SYNPR: variants seen among roughly 807,000 people sequenced by gnomAD.
The protein encoded by SYNPR is synaptoporin.
SYNPR carries 23 observed loss-of-function variants against 32.9 expected under a neutral mutation model. The ratio of observed to expected loss-of-function variants is 0.70; its 90% CI spans 0.50 to 0.99. The LOEUF is 0.99. Among genes scored for constraint, SYNPR ranks in the 50% least tolerant of loss-of-function variants. The pLI is 0.00. For synonymous variants in SYNPR, 146 were observed against 135.9 expected (o/e 1.07, Z -0.52); for missense variants, 318 against 349.3 (o/e 0.91, Z 0.71).
Position 63,259,084 on chromosome 3 carries a change from T to C in SYNPR, n.154+6498T>C, listed in dbSNP as rs146176248. On this transcript the variant is annotated intron_variant and non_coding_transcript_variant, in intron 2 of 4. Coordinates refer to the SYNPR transcript ENST00000478456. Reference sequence around the variant, plus strand: ...TCTGACATTGAGGCAATAATTAATATCTTACCAACAAAAAAAATCCAGGAC... The same window carrying C: ...TCTGACATTGAGGCAATAATTAATACCTTACCAACAAAAAAAATCCAGGAC... Among the ~76,000 whole-genome samples the C allele has an allele frequency of 4.1e-4, 62 of 151,944 alleles. No homozygotes were observed. The East Asian group carries it at 0.01, about 25-fold the overall frequency.
At chr3:63,299,335 G>A (rs191651646) in intron 2 of SYNPR, among the ~76,000 whole-genome samples, 96 of 152,110 alleles carry the variant, frequency 6.3e-4, no homozygotes, top group Non-Finnish European at 1.2e-3. Flanking sequence ...TACTCTTTTT[G>A]TCTCTGCCCA....
chr3:63,282,607 C>A (rs2106920053), intron 2 of SYNPR, among the ~76,000 whole-genome samples: 1 of 150,592 alleles, frequency 6.6e-6, no homozygotes, highest in Admixed American at 6.6e-5. Context: ...CGCTTGAGCC[C>A]ACGAGGTCAA....
At chr3:63,436,930 G>T (rs962556197) in intron 2 of SYNPR, among the ~76,000 whole-genome samples, 2 of 152,072 alleles carry the variant, frequency 1.3e-5, no homozygotes, top group Non-Finnish European at 2.9e-5. Flanking sequence ...GGGCTGAAGT[G>T]CAGTGGCACA....
At chr3:63,288,614 C>T (rs9853324) in intron 2 of SYNPR, among the ~76,000 whole-genome samples, 70,577 of 151,986 alleles carry the variant, frequency 0.46, 16,563 homozygotes, top group Middle Eastern at 0.52. Context: ...TAGGTTTTGC[C>T]TAATGATAAG....
At chr3:63,416,462 G>A (rs773855676) in intron 2 of SYNPR, among the ~76,000 whole-genome samples, 20 of 150,476 alleles carry the variant, frequency 1.3e-4, no homozygotes, top group Non-Finnish European at 1.8e-4. Flanking sequence ...AACCCGGGAC[G>A]TGGAGGTTTC....
chr3:63,260,793 A>C (rs1020820861), intron 2 of SYNPR, among the ~76,000 whole-genome samples: 32 of 152,074 alleles, frequency 2.1e-4, no homozygotes, highest in South Asian at 4.2e-4. Context: ...CAACCTACAG[A>C]ATGGGAGAAA....
chr3:63,505,756 G>A (rs1356335526), intron 3 of SYNPR, among the ~76,000 whole-genome samples: 1 of 152,160 alleles, frequency 6.6e-6, no homozygotes, highest in Non-Finnish European at 1.5e-5. Context: ...GTTATCAACA[G>A]CTAACATCTT....
chr3:63,391,529 A>T (rs2088136635), intron 2 of SYNPR, among the ~76,000 whole-genome samples: 2 of 152,166 alleles, frequency 1.3e-5, no homozygotes, highest in African/African-American at 4.8e-5. Flanking sequence ...CATTGCTAAC[A>T]CCTATGAGAA....
At chr3:63,541,509 AG>A (rs1333819581) in intron 3 of SYNPR, among the ~76,000 whole-genome samples, 1 of 152,130 alleles carries the variant, frequency 6.6e-6, no homozygotes, top group Non-Finnish European at 1.5e-5. Context: ...ACTGAATAGT[AG>A]GGGGAGTTCT....
chr3:63,469,452 G>T (rs185935007), intron 2 of SYNPR, among the ~76,000 whole-genome samples: 5 of 152,178 alleles, frequency 3.3e-5, no homozygotes, highest in African/African-American at 9.6e-5. Flanking sequence ...GTTATGGTAG[G>T]TTAGAAACTT....
intron 2 of SYNPR, among the ~76,000 whole-genome samples, chr3:63,467,411 T>G (rs536513114): frequency 1.3e-5 from 2 of 152,350 alleles, no homozygotes; most frequent in Non-Finnish European, 2.9e-5. Flanking sequence ...TTCAATTTTT[T>G]GGGTTACTTG....
At position 63,556,604 on chromosome 3, in the gene SYNPR, T is replaced by C. The variant is rs779094581; in HGVS notation, c.271T>C (p.Leu91=). The change falls in exon 4 of 6, where the codon TTG becomes CTG. Residue 91 remains leucine (L), a synonymous_variant. Transcript: ENST00000478300. ...CEGKERQKLA[L]IGDSSSSAEF... ...GGGAAAGGAACGGCAGAAGCTGGCA[T>C]TGATTGGTGACTCCTCGTCTTCAGC... 10 of 1,613,708 alleles carry C rather than the reference T, an allele frequency of 6.2e-6. No homozygotes were observed. The highest frequency in any genetic ancestry group is 1.3e-5 in the African/African-American group (1 of 74,912).
chr3:63,460,944 A>G (rs1700573244), intron 2 of SYNPR, among the ~76,000 whole-genome samples: 1 of 152,126 alleles, frequency 6.6e-6, no homozygotes, highest in African/African-American at 2.4e-5. Flanking sequence ...ACAGAGATGT[A>G]CACAGATATA....
Position 63,335,766 on chromosome 3 carries a change from C to CTTTTTTTTTTTTT in SYNPR, c.84+57036_84+57048dup, listed in dbSNP as rs3082128. On this transcript the variant is annotated intron_variant, in intron 2 of 5. Transcript: ENST00000478300. ...ACACACTCAAGTCCATATTAGCTTC[C>CTTTTTTTTTTTTT]TTTTTTTTTTTTTTTTTTTTTTTTG... Among the ~76,000 whole-genome samples, 20 of 91,462 alleles carry CTTTTTTTTTTTTT rather than the reference C, an allele frequency of 2.2e-4. 1 individual carries two copies. The highest frequency in any genetic ancestry group is 3.6e-4 in the Non-Finnish European group (17 of 47,236). 60.0% of individuals were successfully genotyped at this position (91,462 alleles called of 152,430 possible).
At chr3:63,597,185 G>T (rs1297998458) in intron 4 of SYNPR, among the ~76,000 whole-genome samples, 2 of 151,894 alleles carry the variant, frequency 1.3e-5, no homozygotes, top group African/African-American at 4.8e-5. Context: ...TTCTTCAGGC[G>T]TCCTCATTCC....
chr3:63,322,773 T>A (rs1490030301), intron 2 of SYNPR, among the ~76,000 whole-genome samples: 1 of 152,056 alleles, frequency 6.6e-6, no homozygotes, highest in Non-Finnish European at 1.5e-5. Flanking sequence ...GAGAACCTCA[T>A]CATTGAGGCA....
chr3:63,390,196 G>A (rs1478759611), intron 2 of SYNPR, among the ~76,000 whole-genome samples: 1 of 152,130 alleles, frequency 6.6e-6, no homozygotes. Context: ...AAACAAATGT[G>A]CCTGTTGCCT....
intron 2 of SYNPR, chr3:63,289,643 T>C (rs1258305298): frequency 6.6e-6 from 1 of 152,174 alleles, no homozygotes; most frequent in Non-Finnish European, 1.5e-5. Flanking sequence ...CACCTCCTAT[T>C]GGGCCCCACC....
chr3:63,299,591 C>T (rs1295504154), intron 2 of SYNPR, among the ~76,000 whole-genome samples: 2 of 152,082 alleles, frequency 1.3e-5, no homozygotes, highest in African/African-American at 2.4e-5. Flanking sequence ...ATCCTACAGC[C>T]AGATACAGGG....
Sources: gnomAD v4.1 joint callset for allele counts (sites outside exome capture counted in the v4.1 genomes callset) on GRCh38, gnomAD v4.1.1 for gene constraint, MANE v1.5 for transcripts, NCBI Gene and HGNC (gene_info 2026-07-23, HGNC 2026-07-21) for gene names.